Variants in BAHCC1 observed in about 807,000 individuals in gnomAD.
BAHCC1 encodes BAH domain and coiled-coil containing 1.
In BAHCC1, 43 loss-of-function variants were observed where a neutral mutation model predicts 88.2. That is an observed-to-expected ratio of 0.49 (90% CI 0.38 to 0.63). The LOEUF (loss-of-function observed/expected upper bound fraction) is 0.63, where lower values mean the gene tolerates loss of function less well. BAHCC1 is among the 20% of genes least tolerant of loss of function. BAHCC1 has a pLI of 0.00. For missense variants in BAHCC1, 3,023 were observed against 1,654.8 expected, an observed-to-expected ratio of 1.83 and a Z score of -14.34; for synonymous variants, 1,510 against 745.5, an observed-to-expected ratio of 2.03 and a Z score of -16.71.
intron 2 of BAHCC1, among the ~76,000 whole-genome samples, chr17:81,419,208 G>A (rs945218388): frequency 2.0e-5 from 3 of 152,186 alleles, no homozygotes; most frequent in Non-Finnish European, 4.4e-5. Flanking sequence ...CTCCTGGTGC[G>A]GGCGGAGGTC....
rs2087214209 is a variant in BAHCC1 at position 81,456,562 on chromosome 17, C to T, written c.4835C>T (p.Ser1612Phe). ...RETPRCPAQP[S>F]VAASQEAGSG... The stretch of plus-strand genomic sequence containing the variant: ...ACACCCAGGTGCCCAGCCCAGCCCT[C>T]CGTGGCTGCGTCCCAGGAGGCAGGC... Residue 1612 changes from serine (S) to phenylalanine (F), a missense_variant, in exon 16 of 28, where the codon TCC becomes TTC. Physicochemically the swap from Ser to Phe is radical, Grantham distance 155. Coordinates refer to ENST00000675386, the MANE Select transcript of BAHCC1 (RefSeq NM_001377448.1). The T allele has an allele frequency of 4.2e-6, 3 of 708,264 alleles. No homozygotes were observed. Among genetic ancestry groups the T allele is most frequent in the Admixed American group, 2.1e-5 (1 of 47,554 alleles). 43.9% of individuals were successfully genotyped at this position (708,264 alleles called of 1,614,324 possible).
chr17:81,403,837 C>T lies in BAHCC1; in HGVS notation c.178+3920C>T, dbSNP rs971998617. On this transcript the variant is annotated intron_variant, in intron 2 of 27. Coordinates refer to ENST00000675386, the MANE Select transcript of BAHCC1 (RefSeq NM_001377448.1). Reference sequence around the variant, plus strand: ...GGGAATGTGGGGCCGCGTGGACCGGCGGCGGTGGCCCGCCACGCCCGCCCC... The same window carrying T: ...GGGAATGTGGGGCCGCGTGGACCGGTGGCGGTGGCCCGCCACGCCCGCCCC... Among the ~76,000 whole-genome samples, 8 of 152,130 alleles carry T rather than the reference C, an allele frequency of 5.3e-5. No individual in the cohort carries two copies. In the East Asian group the frequency reaches 5.8e-4, roughly 11 times the overall value.
In BAHCC1 at chr17:81,461,190, TC is replaced by T; in HGVS notation, c.6531del (p.Arg2178GlyfsTer38). ...APFVGGTGPGLPRGAHKLLRA... is the reference protein window; with the variant it reads ...APFVGGTGPGXPRGAHKLLRA... ...TTCGTCGGGGGGACCGGGCCGGGCCTCCCCAGGGGAGCCCACAAGCTGCTGC... is the reference window on the plus strand; with the variant it reads ...TTCGTCGGGGGGACCGGGCCGGGCCTCCCAGGGGAGCCCACAAGCTGCTGC... On this transcript the variant is annotated frameshift_variant, in exon 26 of 28. Coordinates refer to ENST00000675386, the MANE Select transcript of BAHCC1 (RefSeq NM_001377448.1). 1.4e-6 allele frequency: 1 copy of T among 740,556 alleles called. No homozygotes were observed. The allele number at this position is 740,556 out of a possible 1,614,324, so 45.9% of individuals were successfully genotyped here.
chr17:81,453,524 C>T (rs1294915219), intron 14 of BAHCC1, among the ~76,000 whole-genome samples: 1 of 152,194 alleles, frequency 6.6e-6, no homozygotes, highest in East Asian at 1.9e-4. Flanking sequence ...AAAACATTAG[C>T]AAATGCAGAG....
rs543374343 is a variant in BAHCC1 at position 81,445,091 on chromosome 17, G to T, written c.2748G>T (p.Pro916=). The stretch of plus-strand genomic sequence containing the variant: ...GCCCCGCCTCTCACATGCAGCACCC[G>T]GGCCAGCTCCCTGTGTACTCGAGGC... ...GRGPASHMQH[P]GQLPVYSRPQ... Residue 916 remains proline, a synonymous_variant, in exon 9 of 28, where the codon CCG becomes CCT. Transcript: ENST00000675386. 2 of 771,188 alleles carry T rather than the reference G, an allele frequency of 2.6e-6. No individual in the cohort carries two copies. The highest frequency in any genetic ancestry group is 2.4e-5 in the East Asian group (1 of 40,860). The allele number at this position is 771,188 out of a possible 1,614,324, so 47.8% of individuals were successfully genotyped here. A position where few individuals can be genotyped will look rare whatever the true frequency, so the allele number is the denominator to read the frequency against.
At chr17:81,397,593 GA>G (rs781830601) in intron 1 of BAHCC1, among the ~76,000 whole-genome samples, 20 of 152,086 alleles carry the variant, frequency 1.3e-4, no homozygotes, top group Admixed American at 5.2e-4. Context: ...CGGGGCTCGG[GA>G]GGCGCCGGCC....
chr17:81,445,494 TTGC>T lies in BAHCC1; in HGVS notation c.2980_2982del (p.Cys994del). ...CTGCAGGCCCCACCAAGCTGCCACC[TTGC>T]TGCCATCCGCCCGACCCAAAGCCCC... On this transcript the variant is annotated inframe_deletion, in exon 10 of 28. Transcript: ENST00000675386. 1.3e-6 allele frequency: 1 copy of T among 748,092 alleles called. No individual in the cohort carries two copies. Among genetic ancestry groups the T allele is most frequent in the Non-Finnish European group, 2.5e-6 (1 of 404,346 alleles). The allele number at this position is 748,092 out of a possible 1,614,324, so 46.3% of individuals were successfully genotyped here. A position where few individuals can be genotyped will look rare whatever the true frequency, so the allele number is the denominator to read the frequency against.
chr17:81,421,625 G>A (rs1316304950), intron 2 of BAHCC1, among the ~76,000 whole-genome samples: 1 of 152,194 alleles, frequency 6.6e-6, no homozygotes, highest in Non-Finnish European at 1.5e-5. Context: ...AGAAATCCAC[G>A]CCTTTAGAGT....
At position 81,447,139 on chromosome 17, in the gene BAHCC1, C is replaced by T. The variant is rs370112640; in HGVS notation, c.3267C>T (p.Thr1089=). The T allele has an allele frequency of 1.8e-4, 138 of 778,866 alleles. No homozygotes were observed. Among genetic ancestry groups the T allele is most frequent in the Admixed American group, 1.3e-3 (77 of 58,952 alleles). 48.2% of individuals were successfully genotyped at this position (778,866 alleles called of 1,614,324 possible). Residue 1089 remains threonine, a synonymous_variant, in exon 11 of 28, where the codon ACC becomes ACT. Transcript: ENST00000675386. ...AGGACCCTGAAACTATGCAAACCAC[C>T]GCCCCGGGGGCCCAGCCTGAGCCCA... ...NLEDPETMQT[T]APGAQPEPTR...
At chr17:81,440,135 T>A (rs974616136) in intron 4 of BAHCC1, among the ~76,000 whole-genome samples, 1 of 152,184 alleles carries the variant, frequency 6.6e-6, no homozygotes. Flanking sequence ...CCCCAGCTCC[T>A]GTGGACGGGC....
intron 2 of BAHCC1, among the ~76,000 whole-genome samples, chr17:81,422,417 G>A (rs914134198): frequency 2.6e-5 from 4 of 152,212 alleles, no homozygotes; most frequent in Non-Finnish European, 5.9e-5. Context: ...GAATGAAAGG[G>A]AAAAAGAAGT....
rs147880174 is a variant in BAHCC1, at chr17:81,457,492, C to A, written c.4941C>A (p.Thr1647=). ...GGGAAGCAGGGCTGCTGCTGCACAC[C>A]GGGGCCAGTGTGGCCGTGCTGGGGC... ...PPREAGLLLH[T]GASVAVLGPS... The change falls in exon 17 of 28, where the codon ACC becomes ACA. Residue 1647 remains threonine, a synonymous_variant. Coordinates refer to ENST00000675386, the MANE Select transcript of BAHCC1 (RefSeq NM_001377448.1). 7.9e-5 allele frequency: 60 copies of A among 763,410 alleles called. 1 individual carries two copies. In the Admixed American group the frequency reaches 1.1e-3, roughly 14 times the overall value. 47.3% of individuals were successfully genotyped at this position (763,410 alleles called of 1,614,324 possible).
intron 3 of BAHCC1, among the ~76,000 whole-genome samples, chr17:81,427,667 C>T (rs1000435005): frequency 3.3e-5 from 5 of 152,180 alleles, no homozygotes; most frequent in African/African-American, 4.8e-5. Flanking sequence ...TCCTTGGGCC[C>T]ACAGTTGCTG....
At chr17:81,453,256 C>A (rs1244587610) in intron 14 of BAHCC1, among the ~76,000 whole-genome samples, 1 of 152,236 alleles carries the variant, frequency 6.6e-6, no homozygotes, top group African/African-American at 2.4e-5. Flanking sequence ...CGGCTGCCGG[C>A]GCGATGTTAT....
rs532191026 is a variant in BAHCC1, at chr17:81,460,072, C to T, written c.5906-205C>T. On this transcript the variant is annotated intron_variant, in intron 23 of 27. Coordinates refer to ENST00000675386, the MANE Select transcript of BAHCC1 (RefSeq NM_001377448.1). ...TCTGGTTCTGGGCTGGGTGGGGTGA[C>T]GGTGGCATCACATGGGAGGCACTGC... is the stretch of plus-strand genomic sequence containing the variant. Among the ~76,000 whole-genome samples, 63 of 152,232 alleles carry T rather than the reference C, an allele frequency of 4.1e-4. 1 individual carries two copies. Among genetic ancestry groups the T allele is most frequent in the Non-Finnish European group, 6.8e-4 (46 of 67,988 alleles).
rs782275725 is a variant in BAHCC1, at chr17:81,461,224, G to A, written c.6561G>A (p.Lys2187=). ...GAGCCCACAAGCTGCTGCGGGCTAA[G>A]AAGGCCGAGAGGGTGGAGGCCGAGA... ...PRGAHKLLRA[K]KAERVEAEKG... The change falls in exon 26 of 28, where the codon AAG becomes AAA. Residue 2187 remains lysine, a synonymous_variant. Transcript: ENST00000675386. 9 of 719,638 alleles carry A rather than the reference G, an allele frequency of 1.3e-5. No individual in the cohort carries two copies. Among genetic ancestry groups the A allele is most frequent in the Non-Finnish European group, 2.0e-5 (8 of 391,652 alleles). 44.6% of individuals were successfully genotyped at this position (719,638 alleles called of 1,614,324 possible).
At position 81,452,754 on chromosome 17, in the gene BAHCC1, CG is replaced by C; in HGVS notation, c.4353del (p.Pro1452LeufsTer97). On this transcript the variant is annotated frameshift_variant, in exon 14 of 28. Coordinates refer to ENST00000675386, the MANE Select transcript of BAHCC1 (RefSeq NM_001377448.1). LOFTEE classifies it high-confidence loss of function. ...RDESSRSPAR[R>X]GPGRPRKRKH... ...CGAGAGTTCACGGAGCCCTGCACGGCGGGGGCCTGGCCGGCCGAGGAAGCGC... is the reference window on the plus strand; with the variant it reads ...CGAGAGTTCACGGAGCCCTGCACGGCGGGGCCTGGCCGGCCGAGGAAGCGC... 3 of 749,822 alleles carry C rather than the reference CG, an allele frequency of 4.0e-6. No homozygotes were observed. Among genetic ancestry groups the C allele is most frequent in the Admixed American group, 1.9e-5 (1 of 53,442 alleles). 46.4% of individuals were successfully genotyped at this position (749,822 alleles called of 1,614,324 possible).
intron 11 of BAHCC1, among the ~76,000 whole-genome samples, chr17:81,448,575 C>T (rs759363299): frequency 2.0e-5 from 3 of 152,224 alleles, no homozygotes; most frequent in Non-Finnish European, 4.4e-5. Context: ...CAGCCGGGCA[C>T]GGCGCCGTGG....
rs116255905 is a variant in BAHCC1 at position 81,445,439 on chromosome 17, C to A, written c.2921C>A (p.Thr974Asn). ...TCCACCCACAAGCCAGTTGCCTTAA[C>A]CCCCACGGCCCCGGGCGCCCCCTCA... ...PKSTHKPVAL[T>N]PTAPGAPSPA... Residue 974 changes from threonine (T) to asparagine (N), a missense_variant, in exon 10 of 28, where the codon ACC (threonine) becomes AAC (asparagine). Transcript: ENST00000675386. 55,565 of 769,890 alleles carry A rather than the reference C, an allele frequency of 0.072. 2,408 individuals carry two copies. The highest frequency in any genetic ancestry group is 0.1 in the Middle Eastern group (443 of 4,344). 47.7% of individuals were successfully genotyped at this position (769,890 alleles called of 1,614,324 possible). A position where few individuals can be genotyped will look rare whatever the true frequency, so the allele number is the denominator to read the frequency against.
Sources: allele counts gnomAD v4.1 joint callset (sites outside exome capture counted in the v4.1 genomes callset), GRCh38; gene constraint gnomAD v4.1.1; transcripts MANE v1.5; gene names NCBI Gene and HGNC (gene_info 2026-07-23, HGNC 2026-07-21).